The following TXNDC11 variants were observed in gnomAD, a reference collection of about 807,000 sequenced individuals.
TXNDC11 encodes the protein thioredoxin domain-containing protein 11.
TXNDC11 carries 68 observed loss-of-function variants against 78.0 expected under a neutral mutation model. The ratio of observed to expected loss-of-function variants is 0.87; its 90% CI spans 0.72 to 1.07. The LOEUF is 1.07. TXNDC11 is among the 50% of genes least tolerant of loss of function. The pLI is 0.00. For synonymous variants in TXNDC11, 571 were observed against 495.2 expected (o/e 1.15, Z -2.03); for missense variants, 1,389 against 1,221.8 (o/e 1.14, Z -2.04).
At chr16:11,687,777 T>C (rs1406039169) in intron 10 of TXNDC11, 80 bp downstream of exon 10, 7 of 977,222 alleles carry the variant, frequency 7.2e-6, no homozygotes, top group Non-Finnish European at 1.1e-5. Flanking sequence ...GGGCAGACCC[T>C]CACACACCAT....
At chr16:11,718,888 A>C (rs948504830) in intron 5 of TXNDC11, among the ~76,000 whole-genome samples, 2 of 152,224 alleles carry the variant, frequency 1.3e-5, no homozygotes, top group Admixed American at 1.3e-4. Flanking sequence ...TGATTTGACC[A>C]AGGAGGTTCA....
At chr16:11,680,423 C>G (rs1160771438) in intron 11 of TXNDC11, among the ~76,000 whole-genome samples, 3 of 152,222 alleles carry the variant, frequency 2.0e-5, no homozygotes, top group African/African-American at 7.2e-5. Flanking sequence ...AACTGGCAAA[C>G]AGCCCAACCA....
At position 11,705,880 on chromosome 16, in the gene TXNDC11, G is replaced by A. The variant is rs372044175; in HGVS notation, c.794-5316C>T. Reference sequence around the variant, plus strand: ...AGCGTAAAGATGACACAAAAAACCAGCATGTCACATCTCCTTATCCAGAGT... The same window carrying A: ...AGCGTAAAGATGACACAAAAAACCAACATGTCACATCTCCTTATCCAGAGT... On this transcript the variant is annotated intron_variant, in intron 5 of 11. Coordinates refer to ENST00000283033, the MANE Select transcript of TXNDC11 (RefSeq NM_015914.7). Among the ~76,000 whole-genome samples the A allele has an allele frequency of 1.4e-4, 22 of 152,298 alleles. 1 individual carries two copies. The South Asian group carries it at 4.4e-3, about 30-fold the overall frequency.
intron 8 of TXNDC11, 75 bp downstream of exon 8, chr16:11,691,215 A>T: frequency 8.1e-7 from 1 of 1,236,152 alleles, no homozygotes; most frequent in Non-Finnish European, 1.1e-6. Flanking sequence ...ATGTAATGAG[A>T]GCCATCAATA....
intron 11 of TXNDC11, among the ~76,000 whole-genome samples, chr16:11,680,613 G>T (rs2050399278): frequency 6.6e-6 from 1 of 152,074 alleles, no homozygotes; most frequent in African/African-American, 2.4e-5. Context: ...CTATTTACCT[G>T]TGCCTGTACA....
intron 11 of TXNDC11, among the ~76,000 whole-genome samples, chr16:11,681,568 C>T (rs1597396784): frequency 1.3e-5 from 2 of 152,214 alleles, no homozygotes; most frequent in Non-Finnish European, 1.5e-5. Context: ...GTCTATGCAA[C>T]TCTCCTCTAA....
Position 11,692,029 on chromosome 16 carries a change from C to G in TXNDC11, c.1161G>C (p.Glu387Asp). Residue 387 changes from glutamate to aspartate, a missense_variant, in exon 8 of 12, where the codon GAG becomes GAC. Coordinates refer to ENST00000283033, the MANE Select transcript of TXNDC11 (RefSeq NM_015914.7). ...YNNCHGDQVV[E>D]RLLQHLRRVD... is the part of the protein sequence containing the mutation. ...CCCGCCGCAGGTGCTGAAGGAGACG[C>G]TCCACCACCTGGTCCCCATGACAGT... 1 of 1,552,980 alleles carries G rather than the reference C, an allele frequency of 6.4e-7. No individual in the cohort carries two copies. The highest frequency in any genetic ancestry group is 8.7e-7 in the Non-Finnish European group (1 of 1,149,770).
At position 11,742,636 on chromosome 16, in the gene TXNDC11, C is replaced by T; in HGVS notation, c.95G>A (p.Cys32Tyr). 2.7e-6 allele frequency: 4 copies of T among 1,458,550 alleles called. No individual in the cohort carries two copies. The highest frequency in any genetic ancestry group is 3.6e-6 in the Non-Finnish European group (4 of 1,110,906). The allele number at this position is 1,458,550 out of a possible 1,614,324, so 90.4% of individuals were successfully genotyped here. ...GGGGGPAGSD[C>Y]LSSSPTLATA... The stretch of plus-strand genomic sequence containing the variant: ...GGCCAGGGTCGGGCTCGAGCTGAGG[C>T]AGTCTGAGCCCGCGGGGCCGCCGCC... The change falls in exon 1 of 12, where the codon TGC becomes TAC. Residue 32 changes from cysteine to tyrosine, a missense_variant. Physicochemically the swap from Cys to Tyr is radical, Grantham distance 194. Transcript: ENST00000283033.
chr16:11,712,377 C>T (rs1366909633), intron 5 of TXNDC11, among the ~76,000 whole-genome samples: 1 of 152,142 alleles, frequency 6.6e-6, no homozygotes, highest in African/African-American at 2.4e-5. Context: ...CCTCCCACCC[C>T]CCAGCACCCA....
intron 5 of TXNDC11, among the ~76,000 whole-genome samples, chr16:11,712,587 T>G (rs1302855600): frequency 6.6e-6 from 1 of 152,172 alleles, no homozygotes; most frequent in Non-Finnish European, 1.5e-5. Context: ...TAATAAGAAA[T>G]CGTACTTCTG....
intron 8 of TXNDC11, chr16:11,689,943 T>G (rs535554553): frequency 6.6e-6 from 1 of 152,380 alleles, no homozygotes; most frequent in South Asian, 2.1e-4. Context: ...TGAGGAACTC[T>G]TGGATTTATA....
chr16:11,694,264 G>A (rs1023469704), intron 7 of TXNDC11, among the ~76,000 whole-genome samples: 1 of 150,040 alleles, frequency 6.7e-6, no homozygotes, highest in Admixed American at 6.6e-5. Context: ...CATGCATCAC[G>A]ACACCCAGCC....
At chr16:11,718,282 C>A (rs2051602995) in intron 5 of TXNDC11, among the ~76,000 whole-genome samples, 2 of 151,726 alleles carry the variant, frequency 1.3e-5, no homozygotes, top group African/African-American at 4.8e-5. Context: ...AAAAAAAAAT[C>A]ATTAAGGCAG....
chr16:11,734,069 A>G lies in TXNDC11; in HGVS notation c.482T>C (p.Val161Ala), dbSNP rs1187340447. 1 of 1,599,568 alleles carries G rather than the reference A, an allele frequency of 6.3e-7. No individual in the cohort carries two copies. The highest frequency in any genetic ancestry group is 8.5e-7 in the Non-Finnish European group (1 of 1,176,646). ...ASRLSDQVLF[V>A]AINCWWNQGK... The stretch of plus-strand genomic sequence containing the variant: ...CTGGTTCCACCAACAGTTAATTGCC[A>G]CAAACAACACCTGCAGAGCCAAAAA... The change falls in exon 3 of 12, where the codon GTG (valine) becomes GCG (alanine). Residue 161 changes from valine to alanine, a missense_variant. Transcript: ENST00000283033.
At position 11,736,324 on chromosome 16, in the gene TXNDC11, C is replaced by A. The variant is rs1226996275; in HGVS notation, c.255-91G>T. The A allele has an allele frequency of 2.7e-6, 3 of 1,091,598 alleles. No individual in the cohort carries two copies. The Admixed American group carries it at 6.7e-5, about 24-fold the overall frequency. 67.6% of individuals were successfully genotyped at this position (1,091,598 alleles called of 1,614,324 possible). ...GTAGAATGAAGCTTAAAAGGAAAAT[C>A]CTCTTTTGAATAAGAAAATGGAGTC... On this transcript the variant is annotated intron_variant, in intron 1 of 11. Coordinates refer to ENST00000283033, the MANE Select transcript of TXNDC11 (RefSeq NM_015914.7).
intron 5 of TXNDC11, among the ~76,000 whole-genome samples, chr16:11,703,115 A>C (rs2051079741): frequency 6.6e-6 from 1 of 152,180 alleles, no homozygotes; most frequent in Admixed American, 6.5e-5. Flanking sequence ...AGTTAAAACC[A>C]AGCGAGATGT....
At chr16:11,739,187 AATCAAAT>A in intron 1 of TXNDC11, among the ~76,000 whole-genome samples, 1 of 152,336 alleles carries the variant, frequency 6.6e-6, no homozygotes, top group South Asian at 2.1e-4. Flanking sequence ...GCCAATCAAA[AATCAAAT>A]ATTGGCCAGG....
At chr16:11,723,438 A>G (rs2051773432) in intron 4 of TXNDC11, among the ~76,000 whole-genome samples, 1 of 152,082 alleles carries the variant, frequency 6.6e-6, no homozygotes, top group Non-Finnish European at 1.5e-5. Flanking sequence ...TAAAAAAATT[A>G]GCCAGCCATG....
At chr16:11,688,667 T>G in intron 8 of TXNDC11, 1 of 434,552 alleles carries the variant, frequency 2.3e-6, no homozygotes, top group South Asian at 4.5e-5. Flanking sequence ...CAAAACACTA[T>G]GCAATGTTAG....
Sources: allele counts gnomAD v4.1 joint callset (sites outside exome capture counted in the v4.1 genomes callset), GRCh38; gene constraint gnomAD v4.1.1; transcripts MANE v1.5; gene names NCBI Gene and HGNC (gene_info 2026-07-23, HGNC 2026-07-21).